The following CYYR1 variants were observed in gnomAD, a reference collection of about 807,000 sequenced individuals.
The protein encoded by CYYR1 is cysteine and tyrosine-rich protein 1.
A neutral mutation model predicts 15.2 loss-of-function variants in CYYR1; 14 were observed. The observed-to-expected ratio is 0.92, with a 90% CI of 0.61 to 1.44. The LOEUF (loss-of-function observed/expected upper bound fraction) is 1.44, where lower values mean the gene tolerates loss of function less well. CYYR1 is among the 40% of genes most tolerant of loss of function. The pLI, the probability that CYYR1 is intolerant of heterozygous loss-of-function variation, is 0.00. For synonymous variants in CYYR1, 80 were observed against 77.4 expected, an observed-to-expected ratio of 1.03 and a Z score of -0.18; for missense variants, 228 against 209.5, an observed-to-expected ratio of 1.09 and a Z score of -0.54.
chr21:26,478,850 G>C (rs1237564981), intron 3 of CYYR1, among the ~76,000 whole-genome samples: 1 of 152,090 alleles, frequency 6.6e-6, no homozygotes, highest in Non-Finnish European at 1.5e-5. Context: ...GAGCCAAGAA[G>C]TTTTCCTGGT....
At chr21:26,487,450 T>C (rs1239259449) in intron 2 of CYYR1, among the ~76,000 whole-genome samples, 1 of 152,088 alleles carries the variant, frequency 6.6e-6, no homozygotes, top group Admixed American at 6.6e-5. Flanking sequence ...TACATGAGAA[T>C]AAATCTTGGC....
At chr21:26,477,844 T>A in intron 3 of CYYR1, 1 of 1,216,854 alleles carries the variant, frequency 8.2e-7, no homozygotes, top group Non-Finnish European at 1.0e-6. Flanking sequence ...ATAAAAATAA[T>A]TCCATCTATT....
At chr21:26,543,696 C>T (rs1022109193) in intron 2 of CYYR1, among the ~76,000 whole-genome samples, 8 of 152,008 alleles carry the variant, frequency 5.3e-5, no homozygotes, top group African/African-American at 9.7e-5. Flanking sequence ...ACCTGAGGTC[C>T]GGAGTTCGAG....
intron 2 of CYYR1, among the ~76,000 whole-genome samples, chr21:26,527,539 A>G (rs1398727090): frequency 1.3e-5 from 2 of 152,222 alleles, no homozygotes; most frequent in Admixed American, 6.5e-5. Flanking sequence ...TATATGGACA[A>G]TTATTATTGA....
chr21:26,491,916 G>C (rs1027463845), intron 2 of CYYR1, among the ~76,000 whole-genome samples: 6 of 152,052 alleles, frequency 3.9e-5, no homozygotes, highest in African/African-American at 1.4e-4. Flanking sequence ...CCTGTTCTAG[G>C]GCTGTCAGTG....
chr21:26,563,757 G>T (rs1034739861), intron 2 of CYYR1, among the ~76,000 whole-genome samples: 1 of 152,152 alleles, frequency 6.6e-6, no homozygotes, highest in African/African-American at 2.4e-5. Context: ...ATTTCAGCTG[G>T]TGACTAGGGG....
intron 2 of CYYR1, among the ~76,000 whole-genome samples, chr21:26,544,871 C>T (rs182405463): frequency 6.6e-6 from 1 of 152,042 alleles, no homozygotes; most frequent in African/African-American, 2.4e-5. Context: ...CCTAGGAGTT[C>T]CAGACCAGCC....
chr21:26,487,867 G>T (rs2065271596), intron 2 of CYYR1, among the ~76,000 whole-genome samples: 1 of 150,260 alleles, frequency 6.7e-6, no homozygotes, highest in African/African-American at 2.4e-5. Flanking sequence ...TGCTTAGGAG[G>T]GTAGGAAGAC....
At chr21:26,560,855 G>A (rs1352730545) in intron 2 of CYYR1, among the ~76,000 whole-genome samples, 1 of 147,640 alleles carries the variant, frequency 6.8e-6, no homozygotes, top group Non-Finnish European at 1.5e-5. Context: ...TTGATTCATG[G>A]CTATATCCTC....
At chr21:26,539,534 T>A (rs1978398895) in intron 2 of CYYR1, among the ~76,000 whole-genome samples, 1 of 152,224 alleles carries the variant, frequency 6.6e-6, no homozygotes, top group Non-Finnish European at 1.5e-5. Flanking sequence ...TAAAGATATT[T>A]AATCCATACT....
chr21:26,509,234 T>C (rs2065612387), intron 2 of CYYR1, among the ~76,000 whole-genome samples: 1 of 152,188 alleles, frequency 6.6e-6, no homozygotes, highest in Non-Finnish European at 1.5e-5. Context: ...TCTTTGCTGC[T>C]CCTAAAACAT....
intron 2 of CYYR1, among the ~76,000 whole-genome samples, chr21:26,549,706 T>C (rs1000504012): frequency 1.3e-5 from 2 of 152,184 alleles, no homozygotes; most frequent in East Asian, 1.9e-4. Flanking sequence ...GAGGTGTTTA[T>C]ACATGTACGA....
intron 3 of CYYR1, among the ~76,000 whole-genome samples, chr21:26,473,231 C>G (rs2065058308): frequency 6.6e-6 from 1 of 152,156 alleles, no homozygotes; most frequent in South Asian, 2.1e-4. Context: ...CAAACCTTCT[C>G]ATCTACTCTC....
intron 2 of CYYR1, among the ~76,000 whole-genome samples, chr21:26,530,851 C>T (rs1175845164): frequency 6.6e-6 from 1 of 152,126 alleles, no homozygotes; most frequent in African/African-American, 2.4e-5. Context: ...TTTTCTTTAT[C>T]CAGTCTATCA....
chr21:26,565,951 A>G (rs1980584482), intron 2 of CYYR1, among the ~76,000 whole-genome samples: 1 of 152,240 alleles, frequency 6.6e-6, no homozygotes, highest in African/African-American at 2.4e-5. Flanking sequence ...ATCACTGATG[A>G]TGTTATAAAA....
chr21:26,551,709 G>T, intron 2 of CYYR1: 1 of 182,700 alleles, frequency 5.5e-6, no homozygotes, highest in Non-Finnish European at 1.2e-5. Flanking sequence ...TAATTCTTAC[G>T]GATTAGCAAA....
intron 1 of CYYR1, among the ~76,000 whole-genome samples, chr21:26,572,192 C>T (rs1981048892): frequency 6.6e-6 from 1 of 152,192 alleles, no homozygotes; most frequent in Admixed American, 6.5e-5. Context: ...GTGTAAGACA[C>T]TTTATACCTG....
At chr21:26,520,448 A>G (rs968962417) in intron 2 of CYYR1, among the ~76,000 whole-genome samples, 14 of 151,984 alleles carry the variant, frequency 9.2e-5, no homozygotes, top group African/African-American at 3.4e-4. Context: ...CATGGTGTAT[A>G]TGTACCACAT....
chr21:26,572,910 C>G lies in CYYR1; in HGVS notation c.31G>C (p.Gly11Arg). 1 of 1,614,084 alleles carries G rather than the reference C, an allele frequency of 6.2e-7. No homozygotes were observed. The highest frequency in any genetic ancestry group is 1.1e-5 in the South Asian group (1 of 91,082). ...AGGACCAACTTCGGAAGCAAGACCC[C>G]TGGACGCACGGGTAGCCTCGGAGCG... MDAPRLPVRP[G>R]VLLPKLVLLF... Residue 11 changes from glycine to arginine, a missense_variant, in exon 1 of 4, where the codon GGG (glycine) becomes CGG (arginine). Transcript: ENST00000652641.
Sources: gnomAD v4.1 joint callset for allele counts (sites outside exome capture counted in the v4.1 genomes callset) on GRCh38, gnomAD v4.1.1 for gene constraint, MANE v1.5 for transcripts, NCBI Gene and HGNC (gene_info 2026-07-23, HGNC 2026-07-21) for gene names.